DCT: variants seen among roughly 807,000 people sequenced by gnomAD.
DCT encodes the protein dopachrome tautomerase, also known as L-dopachrome tautomerase.
A neutral mutation model predicts 53.0 loss-of-function variants in DCT; 47 were observed. The ratio of observed to expected loss-of-function variants is 0.89; its 90% confidence interval spans 0.70 to 1.13. DCT has a LOEUF of 1.13. Ranked by LOEUF, DCT falls within the 50% of genes most tolerant of loss-of-function variation. DCT has a pLI of 0.00. For synonymous variants in DCT, 244 were observed against 237.0 expected, an observed-to-expected ratio of 1.03 and a Z score of -0.27; for missense variants, 669 against 637.4, an observed-to-expected ratio of 1.05 and a Z score of -0.53.
At chr13:94,466,006 ATATATATAT>A (rs1285180911) in intron 3 of DCT, among the ~76,000 whole-genome samples, 10 of 53,726 alleles carry the variant, frequency 1.9e-4, no homozygotes, top group South Asian at 1.1e-3. Flanking sequence ...ATATATATAT[ATATATATAT>A]ATATATATAC....
intron 6 of DCT, among the ~76,000 whole-genome samples, chr13:94,459,601 A>T (rs1194121788): frequency 1.3e-5 from 2 of 152,130 alleles, no homozygotes; most frequent in African/African-American, 4.8e-5. Flanking sequence ...GGTTGATTTC[A>T]CCAGGCCAGC....
At chr13:94,501,656 GGA>G in the DCT span, among the ~76,000 whole-genome samples, 1 of 151,732 alleles carries the variant, frequency 6.6e-6, no homozygotes, top group African/African-American at 2.4e-5. Flanking sequence ...GAGAGAGAAA[GGA>G]GAGAGAGGAG....
At chr13:94,452,675 C>A in intron 6 of DCT, 1 of 747,708 alleles carries the variant, frequency 1.3e-6, no homozygotes, top group Non-Finnish European at 2.5e-6. Flanking sequence ...AAATGTCCAT[C>A]AACAGAAAAT....
chr13:94,457,141 A>C (rs1175887744), intron 6 of DCT, among the ~76,000 whole-genome samples: 1 of 152,246 alleles, frequency 6.6e-6, no homozygotes, highest in African/African-American at 2.4e-5. Context: ...AAAAGAAAAA[A>C]GAAAAGAAAA....
At chr13:94,505,588 G>A in the DCT span, among the ~76,000 whole-genome samples, 43 of 152,206 alleles carry the variant, frequency 2.8e-4, no homozygotes, top group Admixed American at 2.7e-3. Context: ...TTTCGGCCAT[G>A]GAGGAAGACC....
the DCT span, among the ~76,000 whole-genome samples, chr13:94,516,410 A>C: frequency 6.6e-6 from 1 of 152,170 alleles, no homozygotes; most frequent in African/African-American, 2.4e-5. Context: ...GCTAAGTGAA[A>C]TCAACAATTT....
chr13:94,524,388 C>T, the DCT span, among the ~76,000 whole-genome samples: 1 of 152,166 alleles, frequency 6.6e-6, no homozygotes, highest in African/African-American at 2.4e-5. Context: ...CATCCTGGGC[C>T]GAGGACAGCC....
chr13:94,474,996 T>C (rs1884980453), intron 1 of DCT, among the ~76,000 whole-genome samples: 1 of 152,072 alleles, frequency 6.6e-6, no homozygotes, highest in African/African-American at 2.4e-5. Flanking sequence ...ATCCCAGGAG[T>C]GCCCCAGTGA....
chr13:94,448,584 GA>G (rs1256767758), intron 6 of DCT, among the ~76,000 whole-genome samples: 8 of 152,216 alleles, frequency 5.3e-5, no homozygotes, highest in African/African-American at 1.9e-4. Flanking sequence ...TTGAGGGTAG[GA>G]AACAAAAGCA....
rs1460883582 is a variant in DCT at position 94,479,361 on chromosome 13, ATT to A, written c.-108_-107del. On this transcript the variant is annotated 5_prime_UTR_variant, in exon 1 of 8. Coordinates refer to ENST00000377028, the MANE Select transcript of DCT (RefSeq NM_001922.5). The stretch of plus-strand genomic sequence containing the variant: ...CAGTCTTTTCTTTTCAGTATTTTTT[ATT>A]TTTCTTTGCTTTCTATTCCTTTCTT... The A allele has an allele frequency of 1.2e-5, 13 of 1,109,554 alleles. No individual in the cohort carries two copies. The highest frequency in any genetic ancestry group is 2.4e-4 in the Middle Eastern group (1 of 4,136). The allele number at this position is 1,109,554 out of a possible 1,614,324, so 68.7% of individuals were successfully genotyped here. A position where few individuals can be genotyped will look rare whatever the true frequency, so the allele number is the denominator to read the frequency against.
chr13:94,437,927 A>C lies in DCT; in HGVS notation c.*1971T>G, dbSNP rs1223018548. On this transcript the variant is annotated 3_prime_UTR_variant, in exon 8 of 8. Transcript: ENST00000377028. ...CGATTACTATTTTTTCCTACCTAAGATAGATCTGCTTTAACCAAGTCTTAT... is the reference window on the plus strand; with the variant it reads ...CGATTACTATTTTTTCCTACCTAAGCTAGATCTGCTTTAACCAAGTCTTAT... 1.3e-5 allele frequency: 2 copies of C among 152,192 alleles called. No homozygotes were observed. Among genetic ancestry groups the C allele is most frequent in the Non-Finnish European group, 1.5e-5 (1 of 68,032 alleles). 9.4% of individuals were successfully genotyped at this position (152,192 alleles called of 1,614,324 possible).
chr13:94,549,029 T>C, the DCT span, among the ~76,000 whole-genome samples: 1 of 152,172 alleles, frequency 6.6e-6, no homozygotes, highest in South Asian at 2.1e-4. Flanking sequence ...CAACGTTCTT[T>C]AGTCTGATGC....
rs147581121 is a variant in DCT, at chr13:94,465,686, C to T, written c.810G>A (p.Pro270=). Residue 270 remains proline (P), a synonymous_variant, in exon 4 of 8, where the codon CCG becomes CCA. Transcript: ENST00000377028. ...ATCTTGAGTTCCGACTAATCAGAGT[C>T]GGATCGTCTGGTCTCGCTGCCCCAA... ...QLFGAARPDD[P]TLISRNSRFS... 730 of 1,613,506 alleles carry T rather than the reference C, an allele frequency of 4.5e-4. 1 individual carries two copies. In the African/African-American group the frequency reaches 7.5e-3, roughly 16 times the overall value.
the DCT span, among the ~76,000 whole-genome samples, chr13:94,544,190 T>A: frequency 2.6e-5 from 4 of 152,166 alleles, no homozygotes; most frequent in Non-Finnish European, 4.4e-5. Context: ...TATTTTTTTT[T>A]ATTTATTTGT....
At chr13:94,453,254 G>T (rs924779261) in intron 6 of DCT, among the ~76,000 whole-genome samples, 2 of 152,008 alleles carry the variant, frequency 1.3e-5, no homozygotes, top group Middle Eastern at 3.4e-3. Flanking sequence ...CATGGTGGGG[G>T]GTCCTGGAAC....
chr13:94,443,034 A>C (rs1451190879), intron 7 of DCT, among the ~76,000 whole-genome samples: 2 of 152,184 alleles, frequency 1.3e-5, no homozygotes, highest in Non-Finnish European at 2.9e-5. Context: ...CTCAAGGAAT[A>C]ATCTCTAAAT....
At position 94,439,922 on chromosome 13, in the gene DCT, G is replaced by A; in HGVS notation, c.1536C>T (p.Ser512=). The A allele has an allele frequency of 6.2e-7, 1 of 1,613,734 alleles. No homozygotes were observed. Among genetic ancestry groups the A allele is most frequent in the Non-Finnish European group, 8.5e-7 (1 of 1,179,850 alleles). ...YTPLMETHLS[S]KRYTEEA is the part of the protein sequence containing the mutation. ...CCTAGGCTTCTTCTGTGTATCTCTTGCTGCTTAAATGTGTCTCCATTAGGG... is the reference window on the plus strand; with the variant it reads ...CCTAGGCTTCTTCTGTGTATCTCTTACTGCTTAAATGTGTCTCCATTAGGG... The change falls in exon 8 of 8, where the codon AGC becomes AGT. Residue 512 remains serine (S), a synonymous_variant. Transcript: ENST00000377028.
intron 1 of DCT, among the ~76,000 whole-genome samples, chr13:94,471,894 G>A (rs902104101): frequency 2.0e-5 from 3 of 152,112 alleles, no homozygotes; most frequent in Admixed American, 1.3e-4. Context: ...CCTGGTTTGC[G>A]GATGTTGCTA....
chr13:94,534,779 T>C, the DCT span, among the ~76,000 whole-genome samples: 2 of 152,254 alleles, frequency 1.3e-5, no homozygotes, highest in African/African-American at 4.8e-5. Flanking sequence ...AGGGTGGGTC[T>C]AGCTAACTTA....
Sources: allele counts gnomAD v4.1 joint callset (sites outside exome capture counted in the v4.1 genomes callset), GRCh38; gene constraint gnomAD v4.1.1; transcripts MANE v1.5; gene names NCBI Gene and HGNC (gene_info 2026-07-23, HGNC 2026-07-21).